Variants in LINS1 observed in about 807,000 individuals in gnomAD.
The protein encoded by LINS1 is lines homolog 1, also known as protein Lines homolog 1.
A neutral mutation model predicts 41.6 loss-of-function variants in LINS1; 27 were observed. The observed-to-expected ratio is 0.65, with a 90% CI of 0.48 to 0.89. The LOEUF is 0.89. LINS1 is among the 40% of genes least tolerant of loss of function. The probability of loss-of-function intolerance (pLI) is 0.00; values close to 1 mark genes in which losing one functional copy is unlikely to be tolerated. For synonymous variants in LINS1, 336 were observed against 312.9 expected (o/e 1.07, Z -0.78); for missense variants, 955 against 884.1 (o/e 1.08, Z -1.02).
intron 1 of LINS1, among the ~76,000 whole-genome samples, chr15:100,600,551 C>CAAAAAAAAAAA (rs56911211): frequency 0.029 from 2,275 of 79,518 alleles, 608 homozygotes; most frequent in Non-Finnish European, 0.037. Flanking sequence ...TGCTGTTAAG[C>CAAAAAAAAAAA]AAAAAAAAAA....
At chr15:100,573,495 C>CTTTT in intron 5 of LINS1, 156 bp downstream of exon 5, 7 of 612,708 alleles carry the variant, frequency 1.1e-5, no homozygotes, top group Non-Finnish European at 1.5e-5. Flanking sequence ...AAATCCAGTT[C>CTTTT]TTTTTTTTTT....
intron 3 of LINS1, among the ~76,000 whole-genome samples, chr15:100,575,678 T>C (rs1279604625): frequency 1.3e-5 from 2 of 152,336 alleles, no homozygotes; most frequent in Middle Eastern, 3.4e-3. Flanking sequence ...GCAGACCTAA[T>C]AGACATCTAC....
chr15:100,578,411 G>A (rs2038320821), intron 3 of LINS1, among the ~76,000 whole-genome samples: 2 of 151,988 alleles, frequency 1.3e-5, no homozygotes, highest in Admixed American at 1.3e-4. Flanking sequence ...GCAGCCAACA[G>A]ACACATGAAA....
intron 5 of LINS1, chr15:100,572,874 T>A: frequency 1.3e-6 from 1 of 744,774 alleles, no homozygotes; most frequent in Non-Finnish European, 1.6e-6. Context: ...TTCAATAATC[T>A]ACATTAGTGG....
chr15:100,591,836 T>C (rs1004191278), intron 1 of LINS1, among the ~76,000 whole-genome samples: 2 of 152,158 alleles, frequency 1.3e-5, no homozygotes, highest in Non-Finnish European at 2.9e-5. Flanking sequence ...AGGTAGGGAC[T>C]GTGCCCCAAG....
chr15:100,574,956 A>G (rs2038072610), intron 4 of LINS1, 31 bp downstream of exon 4: 2 of 1,607,526 alleles, frequency 1.2e-6, no homozygotes, highest in Middle Eastern at 1.7e-4. Flanking sequence ...GAGCAAGATG[A>G]TGATTGTTTA....
intron 1 of LINS1, among the ~76,000 whole-genome samples, chr15:100,597,867 G>A (rs757839684): frequency 4.7e-4 from 71 of 152,188 alleles, no homozygotes; most frequent in Non-Finnish European, 8.8e-4. Flanking sequence ...TTGATAAAAC[G>A]AGATTATCTA....
intron 1 of LINS1, among the ~76,000 whole-genome samples, chr15:100,594,729 G>A (rs868283776): frequency 6.6e-6 from 1 of 152,258 alleles, no homozygotes; most frequent in Middle Eastern, 3.4e-3. Flanking sequence ...TACATGTTCA[G>A]TGCCAACTCT....
intron 3 of LINS1, among the ~76,000 whole-genome samples, chr15:100,576,044 C>T (rs1191151621): frequency 2.0e-5 from 3 of 152,092 alleles, no homozygotes; most frequent in East Asian, 3.9e-4. Flanking sequence ...GGGAAATTTA[C>T]AGCACTAAAT....
chr15:100,598,500 A>G (rs1596977399), intron 1 of LINS1, among the ~76,000 whole-genome samples: 1 of 152,228 alleles, frequency 6.6e-6, no homozygotes, highest in African/African-American at 2.4e-5. Flanking sequence ...GACACATCTG[A>G]CAACGTACTT....
intron 3 of LINS1, among the ~76,000 whole-genome samples, chr15:100,576,408 TA>T (rs2038182658): frequency 6.6e-6 from 1 of 152,002 alleles, no homozygotes; most frequent in Non-Finnish European, 1.5e-5. Context: ...TCTATGCAAA[TA>T]AAGTAGAAAA....
rs757266980 is a variant in LINS1 at position 100,569,417 on chromosome 15, G to C, written c.2095C>G (p.Pro699Ala). ...CCCACTTCAGAGACGACATCATTTG[G>C]GGCTACTTCACAATCAAAGGAGAAG... The part of the protein sequence containing the change: ...TAFSFDCEVA[P>A]NDVVSEVGIF... Residue 699 changes from proline to alanine, a missense_variant, in exon 7 of 7, where the codon CCA (proline) becomes GCA (alanine). By Grantham distance (27) the Pro-to-Ala change is conservative. Transcript: ENST00000314742. 8 of 1,614,036 alleles carry C rather than the reference G, an allele frequency of 5.0e-6. No homozygotes were observed. In the South Asian group the frequency reaches 6.6e-5, roughly 13 times the overall value.
At position 100,569,122 on chromosome 15, in the gene LINS1, C is replaced by CAAAAAAA. The variant is rs56225071; in HGVS notation, c.*109_*115dup. 7 of 477,386 alleles carry CAAAAAAA rather than the reference C, an allele frequency of 1.5e-5. No homozygotes were observed. Among genetic ancestry groups the CAAAAAAA allele is most frequent in the Admixed American group, 4.2e-5 (1 of 24,014 alleles). 29.6% of individuals were successfully genotyped at this position (477,386 alleles called of 1,614,324 possible). On this transcript the variant is annotated 3_prime_UTR_variant, in exon 7 of 7. Transcript: ENST00000314742. Reference sequence around the variant, plus strand: ...TGAGCGACAGAATGAGATTCTGTCTCAAAAAAAAAAAAAAAAAAGAAAACC... The same window carrying CAAAAAAA: ...TGAGCGACAGAATGAGATTCTGTCTCAAAAAAAAAAAAAAAAAAAAAAAAAGAAAACC...
At position 100,569,333 on chromosome 15, in the gene LINS1, G is replaced by C; in HGVS notation, c.2179C>G (p.Gln727Glu). 1 of 1,613,956 alleles carries C rather than the reference G, an allele frequency of 6.2e-7. No individual in the cohort carries two copies. The highest frequency in any genetic ancestry group is 8.5e-7 in the Non-Finnish European group (1 of 1,179,922). Residue 727 changes from glutamine (Q) to glutamate (E), a missense_variant, in exon 7 of 7, where the codon CAA becomes GAA. By Grantham distance (29) the Gln-to-Glu change is conservative (BLOSUM62 2). Transcript: ENST00000314742. ...QELQDAICRL[Q>E]KKNLFPYNPT... The stretch of plus-strand genomic sequence containing the variant: ...TTATATGGGAAAAGATTTTTCTTTT[G>C]CAAACGGCAGATGGCATCTTGTAGT...
chr15:100,579,831 T>C (rs924101446), intron 3 of LINS1, among the ~76,000 whole-genome samples: 1 of 152,196 alleles, frequency 6.6e-6, no homozygotes, highest in Non-Finnish European at 1.5e-5. Context: ...GGGGTCCACC[T>C]ACTAGTTCGA....
chr15:100,590,857 C>A (rs2039004067), intron 1 of LINS1, among the ~76,000 whole-genome samples: 1 of 152,154 alleles, frequency 6.6e-6, no homozygotes, highest in Admixed American at 6.6e-5. Flanking sequence ...ATACTCCAAA[C>A]TCTTGGTATT....
intron 1 of LINS1, among the ~76,000 whole-genome samples, chr15:100,585,079 T>C (rs1309038222): frequency 2.6e-5 from 4 of 152,144 alleles, no homozygotes; most frequent in Admixed American, 1.3e-4. Context: ...TATATGGATG[T>C]TAAAAGTTGG....
At chr15:100,590,480 T>C (rs2038986593) in intron 1 of LINS1, among the ~76,000 whole-genome samples, 1 of 152,228 alleles carries the variant, frequency 6.6e-6, no homozygotes, top group African/African-American at 2.4e-5. Flanking sequence ...CCTTCAATCT[T>C]CTAGAAGGGC....
chr15:100,599,542 G>A (rs1317720999), intron 1 of LINS1, among the ~76,000 whole-genome samples: 1 of 152,146 alleles, frequency 6.6e-6, no homozygotes, highest in Non-Finnish European at 1.5e-5. Flanking sequence ...TCACCAACAA[G>A]TTCTTAGGCC....
Sources: gnomAD v4.1 joint callset for allele counts (sites outside exome capture counted in the v4.1 genomes callset) on GRCh38, gnomAD v4.1.1 for gene constraint, MANE v1.5 for transcripts, NCBI Gene and HGNC (gene_info 2026-07-23, HGNC 2026-07-21) for gene names.